CDC42SE2: variants seen among roughly 807,000 people sequenced by gnomAD.
CDC42SE2 encodes the protein CDC42 small effector 2, also known as CDC42 small effector protein 2.
In CDC42SE2, 3 loss-of-function variants were observed where a neutral mutation model predicts 11.5. The observed-to-expected ratio is 0.26, with a 90% CI of 0.12 to 0.67. The LOEUF is 0.67. Among genes scored for constraint, CDC42SE2 ranks in the 30% least tolerant of loss-of-function variants. CDC42SE2 has a pLI of 0.80. For synonymous variants in CDC42SE2, 33 were observed against 34.8 expected, an observed-to-expected ratio of 0.95 and a Z score of 0.18; for missense variants, 82 against 106.8, an observed-to-expected ratio of 0.77 and a Z score of 1.02.
At chr5:131,296,258 T>C (rs772781909) in intron 1 of CDC42SE2, among the ~76,000 whole-genome samples, 3 of 152,186 alleles carry the variant, frequency 2.0e-5, no homozygotes, top group Non-Finnish European at 2.9e-5. Context: ...TAATGGATTA[T>C]AGTGAACATG....
At chr5:131,360,206 C>T (rs1359631546) in intron 3 of CDC42SE2, among the ~76,000 whole-genome samples, 1 of 152,062 alleles carries the variant, frequency 6.6e-6, no homozygotes, top group African/African-American at 2.4e-5. Flanking sequence ...CTGCAACTTC[C>T]GCCTCCTGGG....
chr5:131,323,638 G>C (rs745732794), intron 2 of CDC42SE2, among the ~76,000 whole-genome samples: 2 of 123,140 alleles, frequency 1.6e-5, no homozygotes, highest in Non-Finnish European at 3.2e-5. Flanking sequence ...AGGTAATTTT[G>C]CTAACCTTAA....
At chr5:131,343,366 T>C (rs541132818) in intron 2 of CDC42SE2, among the ~76,000 whole-genome samples, 118 of 152,276 alleles carry the variant, frequency 7.7e-4, no homozygotes, top group Middle Eastern at 3.4e-3. Context: ...TGTCACAGCA[T>C]CATTATTTCT....
At chr5:131,253,422 T>G (rs573964877) in intron 1 of CDC42SE2, among the ~76,000 whole-genome samples, 18 of 152,312 alleles carry the variant, frequency 1.2e-4, no homozygotes, top group Admixed American at 7.8e-4. Flanking sequence ...AGCAAAAATC[T>G]GTTGCATTGA....
chr5:131,289,563 C>G (rs1376554158), intron 1 of CDC42SE2, among the ~76,000 whole-genome samples: 1 of 152,018 alleles, frequency 6.6e-6, no homozygotes, highest in Non-Finnish European at 1.5e-5. Flanking sequence ...GTCCCAGCTA[C>G]TCTGGAGGCT....
chr5:131,273,554 A>G (rs962547072), intron 1 of CDC42SE2, among the ~76,000 whole-genome samples: 8 of 147,684 alleles, frequency 5.4e-5, no homozygotes, highest in Non-Finnish European at 1.0e-4. Flanking sequence ...GCAGATCACG[A>G]GGTCAGGAGA....
At chr5:131,212,415 G>A in the CDC42SE2 span, among the ~76,000 whole-genome samples, 2 of 152,106 alleles carry the variant, frequency 1.3e-5, no homozygotes, top group Non-Finnish European at 2.9e-5. Context: ...CCATGGTGTG[G>A]CAATTTTTAT....
rs548505355 is a variant in CDC42SE2 at position 131,335,142 on chromosome 5, G to A, written c.-286+18998G>A. 1.7e-3 allele frequency among the ~76,000 whole-genome samples: 256 copies of A among 152,212 alleles called. 3 individuals carry two copies. The highest frequency in any genetic ancestry group is 6.0e-3 in the African/African-American group (251 of 41,528). Reference sequence around the variant, plus strand: ...TCCCTCTACACACTGCTTTGAATGTGTCCCAGAGATTCTGGTATGTTGTGT... The same window carrying A: ...TCCCTCTACACACTGCTTTGAATGTATCCCAGAGATTCTGGTATGTTGTGT... On this transcript the variant is annotated intron_variant, in intron 2 of 4. Transcript: ENST00000505065.
chr5:131,294,424 A>C (rs757304243), intron 1 of CDC42SE2, among the ~76,000 whole-genome samples: 33 of 152,204 alleles, frequency 2.2e-4, no homozygotes, highest in Non-Finnish European at 4.1e-4. Context: ...TTATTGAATA[A>C]ATACTGCGCA....
At chr5:131,240,188 C>G in the CDC42SE2 span, among the ~76,000 whole-genome samples, 1 of 152,120 alleles carries the variant, frequency 6.6e-6, no homozygotes, top group Admixed American at 6.5e-5. Context: ...CAACAGTTTT[C>G]TAAATTTAAA....
chr5:131,340,892 G>A (rs1758696302), intron 2 of CDC42SE2, among the ~76,000 whole-genome samples: 1 of 152,022 alleles, frequency 6.6e-6, no homozygotes, highest in African/African-American at 2.4e-5. Context: ...GGCCAGGCTG[G>A]TCTCGAACTC....
intron 2 of CDC42SE2, among the ~76,000 whole-genome samples, chr5:131,324,461 T>G (rs1758257495): frequency 6.6e-6 from 1 of 152,134 alleles, no homozygotes; most frequent in Non-Finnish European, 1.5e-5. Flanking sequence ...TCCCTTTCCG[T>G]AGACCTGCAT....
chr5:131,307,763 C>T (rs1486630199), intron 1 of CDC42SE2, among the ~76,000 whole-genome samples: 2 of 152,192 alleles, frequency 1.3e-5, no homozygotes, highest in Non-Finnish European at 2.9e-5. Flanking sequence ...ACCATTCTAA[C>T]TGGTGTGAGA....
chr5:131,384,373 A>T (rs1750412798), intron 3 of CDC42SE2, among the ~76,000 whole-genome samples: 2 of 152,198 alleles, frequency 1.3e-5, no homozygotes, highest in Admixed American at 1.3e-4. Context: ...TTTAGGGTTT[A>T]TCAGGATCAT....
At chr5:131,332,436 A>G (rs1167497251) in intron 2 of CDC42SE2, among the ~76,000 whole-genome samples, 1 of 152,210 alleles carries the variant, frequency 6.6e-6, no homozygotes. Flanking sequence ...ATACATGTGC[A>G]TGTGCCTTTA....
the CDC42SE2 span, among the ~76,000 whole-genome samples, chr5:131,238,981 C>A: frequency 6.6e-6 from 1 of 151,726 alleles, no homozygotes; most frequent in Non-Finnish European, 1.5e-5. Context: ...CATGGTGAAA[C>A]CCCGTCTCTA....
chr5:131,341,546 G>T (rs1758712706), intron 2 of CDC42SE2, among the ~76,000 whole-genome samples: 1 of 152,162 alleles, frequency 6.6e-6, no homozygotes, highest in African/African-American at 2.4e-5. Flanking sequence ...TAAGTGAGAA[G>T]GATGAGAAGA....
chr5:131,296,786 G>A (rs998308110), intron 1 of CDC42SE2, among the ~76,000 whole-genome samples: 2 of 152,136 alleles, frequency 1.3e-5, no homozygotes, highest in Non-Finnish European at 2.9e-5. Context: ...TTTACAGTTT[G>A]ATTATGTTGC....
chr5:131,282,282 A>T (rs1757251645), intron 1 of CDC42SE2, among the ~76,000 whole-genome samples: 1 of 152,222 alleles, frequency 6.6e-6, no homozygotes, highest in Non-Finnish European at 1.5e-5. Context: ...TCACTTTTAA[A>T]GGCTAAGAAC....
Sources: gnomAD v4.1 joint callset for allele counts (sites outside exome capture counted in the v4.1 genomes callset) on GRCh38, gnomAD v4.1.1 for gene constraint, MANE v1.5 for transcripts, NCBI Gene and HGNC (gene_info 2026-07-23, HGNC 2026-07-21) for gene names.